GRID1: variants seen among roughly 807,000 people sequenced by gnomAD.
GRID1 encodes the protein glutamate receptor ionotropic, delta-1.
A neutral mutation model predicts 98.0 loss-of-function variants in GRID1; 28 were observed. The observed-to-expected ratio is 0.29, with a 90% CI of 0.21 to 0.39. The LOEUF (loss-of-function observed/expected upper bound fraction) is 0.39. Ranked by LOEUF, GRID1 falls within the 10% of genes least tolerant of loss-of-function variation. The pLI is 1.00. For synonymous variants in GRID1, 553 were observed against 538.5 expected (o/e 1.03, Z -0.37); for missense variants, 1,111 against 1,340.5 (o/e 0.83, Z 2.67).
intron 4 of GRID1, among the ~76,000 whole-genome samples, chr10:86,002,862 T>C (rs1404911024): frequency 6.6e-6 from 1 of 152,214 alleles, no homozygotes; most frequent in East Asian, 1.9e-4. Context: ...CCACACCTCA[T>C]GTATTGTGCT....
chr10:85,643,721 G>GT (rs139253312), intron 13 of GRID1, among the ~76,000 whole-genome samples: 1,939 of 149,604 alleles, frequency 0.013, 24 homozygotes, highest in Middle Eastern at 0.024. Flanking sequence ...CTGGCAGTCA[G>GT]TTTTTTTTTT....
intron 12 of GRID1, among the ~76,000 whole-genome samples, chr10:85,711,094 T>C (rs574396917): frequency 3.3e-5 from 5 of 152,124 alleles, no homozygotes; most frequent in South Asian, 2.1e-4. Flanking sequence ...AAACATAGGA[T>C]TACCATATGA....
At chr10:86,222,933 C>T (rs373031778) in intron 2 of GRID1, among the ~76,000 whole-genome samples, 11 of 152,248 alleles carry the variant, frequency 7.2e-5, no homozygotes, top group African/African-American at 2.6e-4. Flanking sequence ...GGGGGACATG[C>T]GAGACTGCAT....
chr10:86,095,292 T>C lies in GRID1; in HGVS notation c.726+43527A>G, dbSNP rs1044717554. On this transcript the variant is annotated intron_variant, in intron 4 of 15. Coordinates refer to ENST00000327946, the MANE Select transcript of GRID1 (RefSeq NM_017551.3). ...GGAAAAACTCTTCCAGACATTGGCT[T>C]AGGCAAGGATTTCGTGACCAAGAAT... Among the ~76,000 whole-genome samples the C allele has an allele frequency of 4.6e-5, 7 of 152,306 alleles. No homozygotes were observed. The East Asian group carries it at 5.8e-4, about 13-fold the overall frequency.
At chr10:85,807,777 A>G (rs1402410017) in intron 8 of GRID1, among the ~76,000 whole-genome samples, 2 of 152,190 alleles carry the variant, frequency 1.3e-5, no homozygotes. Flanking sequence ...CACTGCTGGA[A>G]GTATAATTAA....
intron 12 of GRID1, among the ~76,000 whole-genome samples, chr10:85,713,198 A>G (rs1342922880): frequency 1.3e-5 from 2 of 151,712 alleles, no homozygotes; most frequent in Non-Finnish European, 3.0e-5. Context: ...GAAGTTTCAA[A>G]GAAAAAAAAT....
chr10:85,823,636 A>G (rs1300590521), intron 8 of GRID1, among the ~76,000 whole-genome samples: 1 of 152,052 alleles, frequency 6.6e-6, no homozygotes, highest in Non-Finnish European at 1.5e-5. Context: ...CAAATAATTA[A>G]ATAATTCTGT....
intron 8 of GRID1, among the ~76,000 whole-genome samples, chr10:85,781,868 T>G (rs1487395188): frequency 6.6e-6 from 1 of 151,850 alleles, no homozygotes; most frequent in Non-Finnish European, 1.5e-5. Flanking sequence ...GGGCCTGGAT[T>G]TATACACAAA....
chr10:86,255,339 T>C lies in GRID1; in HGVS notation c.236-48691A>G, dbSNP rs183426569. 2.3e-3 allele frequency among the ~76,000 whole-genome samples: 346 copies of C among 152,316 alleles called. 4 individuals are homozygous for C. The highest frequency in any genetic ancestry group is 8.0e-3 in the African/African-American group (332 of 41,570). Reference sequence around the variant, plus strand: ...TCCCAAGGGATCAATGCCTATATAATTCACAAGACTCTTTGGGACATTAAC... The same window carrying C: ...TCCCAAGGGATCAATGCCTATATAACTCACAAGACTCTTTGGGACATTAAC... On this transcript the variant is annotated intron_variant, in intron 2 of 15. Transcript: ENST00000327946.
intron 13 of GRID1, among the ~76,000 whole-genome samples, chr10:85,621,586 C>T (rs1211905593): frequency 6.6e-6 from 1 of 152,136 alleles, no homozygotes. Context: ...GACATTCAGA[C>T]AATTTTGCCC....
chr10:86,128,849 T>C (rs768601332), intron 4 of GRID1, among the ~76,000 whole-genome samples: 5 of 152,164 alleles, frequency 3.3e-5, no homozygotes, highest in Admixed American at 6.5e-5. Context: ...ACTGGGCATG[T>C]TCTGGGTACC....
chr10:86,092,572 G>A (rs1249795686), intron 4 of GRID1, among the ~76,000 whole-genome samples: 1 of 152,170 alleles, frequency 6.6e-6, no homozygotes, highest in African/African-American at 2.4e-5. Flanking sequence ...CCAAAAGCGA[G>A]CAGGAGTAGC....
At chr10:86,179,574 G>T (rs1845625739) in intron 3 of GRID1, among the ~76,000 whole-genome samples, 1 of 152,148 alleles carries the variant, frequency 6.6e-6, no homozygotes, top group South Asian at 2.1e-4. Context: ...TTCTCTGACA[G>T]TTTGTGGGGC....
At chr10:85,882,007 A>G (rs1283334593) in intron 5 of GRID1, among the ~76,000 whole-genome samples, 1 of 152,228 alleles carries the variant, frequency 6.6e-6, no homozygotes, top group Non-Finnish European at 1.5e-5. Context: ...TATGCAGCCA[A>G]AAAACCATGG....
At chr10:86,165,937 G>T (rs2352579) in intron 3 of GRID1, among the ~76,000 whole-genome samples, 4 of 152,090 alleles carry the variant, frequency 2.6e-5, no homozygotes, top group Non-Finnish European at 4.4e-5. Context: ...AATCGGAGGA[G>T]GCTCCGGTCA....
chr10:85,625,730 C>T lies in GRID1; in HGVS notation c.2194-5697G>A, dbSNP rs185592628. Among the ~76,000 whole-genome samples the T allele has an allele frequency of 3.3e-5, 5 of 152,280 alleles. No individual in the cohort carries two copies. In the East Asian group the frequency reaches 9.7e-4, roughly 29 times the overall value. ...GTCTGGCTCTAACACTTACAGCATCCTCCCTAACATTTAGCAGAATATGAT... is the reference window on the plus strand; with the variant it reads ...GTCTGGCTCTAACACTTACAGCATCTTCCCTAACATTTAGCAGAATATGAT... On this transcript the variant is annotated intron_variant, in intron 13 of 15. Coordinates refer to ENST00000327946, the MANE Select transcript of GRID1 (RefSeq NM_017551.3).
intron 2 of GRID1, among the ~76,000 whole-genome samples, chr10:86,329,280 T>G (rs1009065339): frequency 6.6e-6 from 1 of 152,182 alleles, no homozygotes; most frequent in African/African-American, 2.4e-5. Context: ...TTGGCCAGGC[T>G]GCCTCTCCCC....
At chr10:85,984,888 T>A (rs897936989) in intron 4 of GRID1, among the ~76,000 whole-genome samples, 12 of 152,066 alleles carry the variant, frequency 7.9e-5, no homozygotes, top group African/African-American at 2.4e-4. Context: ...GACTCTTAAT[T>A]CAATTAGCCC....
At chr10:85,997,822 G>A in intron 4 of GRID1, among the ~76,000 whole-genome samples, 1 of 151,972 alleles carries the variant, frequency 6.6e-6, no homozygotes, top group Admixed American at 6.6e-5. Flanking sequence ...TTGCCTACAA[G>A]AAACTCACTT....
Sources: gnomAD v4.1 joint callset for allele counts (sites outside exome capture counted in the v4.1 genomes callset) on GRCh38, gnomAD v4.1.1 for gene constraint, MANE v1.5 for transcripts, NCBI Gene and HGNC (gene_info 2026-07-23, HGNC 2026-07-21) for gene names.